PREX1: variants seen among roughly 807,000 people sequenced by gnomAD.
PREX1 encodes phosphatidylinositol 3,4,5-trisphosphate-dependent Rac exchanger 1 protein.
PREX1 carries 41 observed loss-of-function variants against 198.3 expected under a neutral mutation model. The observed-to-expected ratio is 0.21, with a 90% CI of 0.16 to 0.27. The LOEUF is 0.27. Among genes scored for constraint, PREX1 ranks in the 10% least tolerant of loss-of-function variants. The pLI is 1.00. For missense variants in PREX1, 1,620 were observed against 2,200.7 expected, an observed-to-expected ratio of 0.74 and a Z score of 5.28; for synonymous variants, 843 against 887.2, an observed-to-expected ratio of 0.95 and a Z score of 0.89.
chr20:48,847,364 T>TAAAAAAAAAAAAAAAAAAAAA, the PREX1 span, among the ~76,000 whole-genome samples: 151 of 77,152 alleles, frequency 2.0e-3, 3 homozygotes, highest in Non-Finnish European at 3.3e-3. Context: ...CCTTCTCTTA[T>TAAAAAAAAAAAAAAAAAAAAA]AAAAAAAAAA....
intron 10 of PREX1, among the ~76,000 whole-genome samples, chr20:48,683,217 G>A (rs1274777947): frequency 6.6e-6 from 1 of 152,214 alleles, no homozygotes; most frequent in Non-Finnish European, 1.5e-5. Context: ...CTAATTGGGG[G>A]CCGCCTCTGG....
intron 5 of PREX1, among the ~76,000 whole-genome samples, chr20:48,725,382 C>A (rs925660724): frequency 2.5e-4 from 38 of 152,358 alleles, no homozygotes; most frequent in African/African-American, 8.7e-4. Context: ...GAAGAGCCGT[C>A]CCCTGGGCTC....
intron 1 of PREX1, among the ~76,000 whole-genome samples, chr20:48,759,815 T>A (rs2090171371): frequency 6.6e-6 from 1 of 152,086 alleles, no homozygotes; most frequent in South Asian, 2.1e-4. Context: ...TTAGCTATTA[T>A]TGGCCAGGCT....
intron 1 of PREX1, among the ~76,000 whole-genome samples, chr20:48,765,949 T>G (rs1483025364): frequency 1.3e-5 from 2 of 152,118 alleles, no homozygotes; most frequent in African/African-American, 2.4e-5. Context: ...AGCAGCAGCA[T>G]CAGATTCTCA....
chr20:48,813,828 C>T (rs1348733420), intron 1 of PREX1, among the ~76,000 whole-genome samples: 2 of 152,212 alleles, frequency 1.3e-5, no homozygotes, highest in African/African-American at 4.8e-5. Flanking sequence ...CAGGTATACA[C>T]ACAAAATATC....
At chr20:48,732,705 G>C (rs1367385255) in intron 4 of PREX1, among the ~76,000 whole-genome samples, 4 of 152,116 alleles carry the variant, frequency 2.6e-5, no homozygotes, top group Admixed American at 1.3e-4. Context: ...TTTCTAGCTG[G>C]GCACATGGCT....
intron 10 of PREX1, among the ~76,000 whole-genome samples, chr20:48,687,131 A>C (rs2089789798): frequency 6.6e-6 from 1 of 152,178 alleles, no homozygotes; most frequent in Admixed American, 6.5e-5. Flanking sequence ...TCCCCTGCAC[A>C]GTTCAGGCCG....
chr20:48,721,784 G>A (rs146612773), intron 5 of PREX1, among the ~76,000 whole-genome samples: 1 of 152,326 alleles, frequency 6.6e-6, no homozygotes, highest in Non-Finnish European at 1.5e-5. Flanking sequence ...CAGTGTCCCA[G>A]CATGGGGGAA....
rs899102063 is a variant in PREX1, at chr20:48,708,148, C to G, written c.783+112G>C. On this transcript the variant is annotated intron_variant, in intron 6 of 39. Coordinates refer to ENST00000371941, the MANE Select transcript of PREX1 (RefSeq NM_020820.4). ...AGCAATCTTTTGCAAACACTGTAGG[C>G]CAAACAAAATACATTGCAGACTGAC... The G allele has an allele frequency of 1.3e-5, 16 of 1,199,752 alleles. No homozygotes were observed. The African/African-American group carries it at 2.0e-4, about 15-fold the overall frequency. 74.3% of individuals were successfully genotyped at this position (1,199,752 alleles called of 1,614,324 possible).
chr20:48,811,674 C>T (rs2090436948), intron 1 of PREX1, among the ~76,000 whole-genome samples: 1 of 151,138 alleles, frequency 6.6e-6, no homozygotes, highest in African/African-American at 2.4e-5. Context: ...CTGACCAGAC[C>T]TGGATACACA....
chr20:48,772,109 G>A (rs1337612764), intron 1 of PREX1, among the ~76,000 whole-genome samples: 1 of 152,150 alleles, frequency 6.6e-6, no homozygotes, highest in African/African-American at 2.4e-5. Flanking sequence ...CAAGAGAATC[G>A]CTCGAACCTG....
chr20:48,698,211 G>A (rs891416647), intron 7 of PREX1, among the ~76,000 whole-genome samples: 5 of 152,178 alleles, frequency 3.3e-5, no homozygotes, highest in African/African-American at 1.2e-4. Flanking sequence ...CACAAGGAAG[G>A]CCCCAGGGAG....
chr20:48,687,810 G>T (rs1042747461), intron 10 of PREX1, among the ~76,000 whole-genome samples: 3 of 152,166 alleles, frequency 2.0e-5, no homozygotes, highest in African/African-American at 7.2e-5. Context: ...TGACCTGCGT[G>T]TAAGAGCCAG....
At chr20:48,753,648 C>T (rs908969518) in intron 1 of PREX1, among the ~76,000 whole-genome samples, 1 of 152,232 alleles carries the variant, frequency 6.6e-6, no homozygotes, top group Non-Finnish European at 1.5e-5. Flanking sequence ...CAAATACTGT[C>T]TAATGCGGGC....
In PREX1 at chr20:48,677,482, G is replaced by A. The variant is rs543948538; in HGVS notation, c.1590-1214C>T. Among the ~76,000 whole-genome samples the A allele has an allele frequency of 1.5e-4, 23 of 152,234 alleles. No individual in the cohort carries two copies. The East Asian group carries it at 2.5e-3, about 17-fold the overall frequency. ...GTAAAAAGAATAACCAATCTCTGGC[G>A]TTCATTATACAATGCCAGGAGCCAT... On this transcript the variant is annotated intron_variant, in intron 13 of 39. Transcript: ENST00000371941.
In PREX1 at chr20:48,644,460, T is replaced by C. The variant is rs760986333; in HGVS notation, c.3550A>G (p.Thr1184Ala). ...NSNRDSVLSY[T>A]SVRSNSSYLG... Reference sequence around the variant, plus strand: ...TAGGAGCTGTTACTTCTCACGCTGGTGTAGGACAGGACCGAGTCTCGATTG... The same window carrying C: ...TAGGAGCTGTTACTTCTCACGCTGGCGTAGGACAGGACCGAGTCTCGATTG... Residue 1184 changes from threonine (T) to alanine (A), a missense_variant, in exon 27 of 40, where the codon ACC (threonine) becomes GCC (alanine). Coordinates refer to ENST00000371941, the MANE Select transcript of PREX1 (RefSeq NM_020820.4). 8 of 1,613,842 alleles carry C rather than the reference T, an allele frequency of 5.0e-6. No homozygotes were observed. In the African/African-American group the frequency reaches 1.1e-4, roughly 22 times the overall value.
Position 48,630,747 on chromosome 20 carries a change from G to A in PREX1, c.4574C>T (p.Thr1525Met), listed in dbSNP as rs373791469. 34 of 1,599,086 alleles carry A rather than the reference G, an allele frequency of 2.1e-5. No homozygotes were observed. The highest frequency in any genetic ancestry group is 1.7e-4 in the Middle Eastern group (1 of 6,050). Reference protein sequence around the residue: ...RSNLPTDASTTAVKIDQLIRP... With the variant: ...RSNLPTDASTMAVKIDQLIRP... ...ACATACCTGGTCTATCTTTACCGCC[G>A]TGGTGCTGGCATCCGTGGGCAGGTT... The change falls in exon 36 of 40, where the codon ACG becomes ATG. Residue 1525 changes from threonine (T) to methionine (M), a missense_variant. This residue lies in a region of PREX1 where 476 missense variants were observed against 603.4 expected (regional missense o/e 0.79). Transcript: ENST00000371941.
the PREX1 span, among the ~76,000 whole-genome samples, chr20:48,864,046 C>T: frequency 1.1e-4 from 16 of 152,262 alleles, no homozygotes; most frequent in African/African-American, 3.1e-4. Context: ...ATTGCTTCCA[C>T]GTTTTGGCAA....
At chr20:48,771,409 CTTG>C (rs998778909) in intron 1 of PREX1, among the ~76,000 whole-genome samples, 3 of 151,938 alleles carry the variant, frequency 2.0e-5, no homozygotes, top group African/African-American at 7.2e-5. Flanking sequence ...TTGGGAGTCT[CTTG>C]TTGTCTCCGC....
Sources: gnomAD v4.1 joint callset for allele counts (sites outside exome capture counted in the v4.1 genomes callset) on GRCh38, gnomAD v4.1.1 for gene constraint, gnomAD v4.1.1 regional missense constraint, MANE v1.5 for transcripts, NCBI Gene and HGNC (gene_info 2026-07-23, HGNC 2026-07-21) for gene names.